Variants in TMEM178B observed in about 807,000 individuals in gnomAD.
TMEM178B encodes transmembrane protein 178B.
In TMEM178B, 5 loss-of-function variants were observed where a neutral mutation model predicts 31.0. The ratio of observed to expected loss-of-function variants is 0.16; its 90% confidence interval spans 0.08 to 0.34. TMEM178B has a LOEUF of 0.34. TMEM178B is among the 10% of genes least tolerant of loss of function. The pLI is 1.00. For synonymous variants in TMEM178B, 164 were observed against 164.0 expected, an observed-to-expected ratio of 1.00 and a Z score of 0.00; for missense variants, 275 against 400.3, an observed-to-expected ratio of 0.69 and a Z score of 2.67.
At chr7:141,464,785 C>T (rs1802121816) in intron 3 of TMEM178B, among the ~76,000 whole-genome samples, 1 of 152,166 alleles carries the variant, frequency 6.6e-6, no homozygotes, top group Non-Finnish European at 1.5e-5. Flanking sequence ...ATGCCCCCTC[C>T]CCAAGACCTG....
intron 2 of TMEM178B, among the ~76,000 whole-genome samples, chr7:141,249,115 C>G (rs1797787181): frequency 6.6e-6 from 1 of 152,052 alleles, no homozygotes; most frequent in Non-Finnish European, 1.5e-5. Flanking sequence ...TGACTGTGTC[C>G]CCACCCAAAT....
rs1357582053 is a variant in TMEM178B at position 141,476,440 on chromosome 7, T to C, written c.*5654T>C. On this transcript the variant is annotated 3_prime_UTR_variant, in exon 4 of 4. Transcript: ENST00000565468. ...CCAAGGCACATGGTCAATGCCTTAG[T>C]ATTTTTTTTTTTAATTCTCCTAACG... The C allele has an allele frequency of 6.6e-6, 1 of 151,798 alleles. No homozygotes were observed. Among genetic ancestry groups the C allele is most frequent in the East Asian group, 1.9e-4 (1 of 5,186 alleles). 9.4% of individuals were successfully genotyped at this position (151,798 alleles called of 1,614,324 possible).
rs936736307 is a variant in TMEM178B at position 141,428,571 on chromosome 7, G to A, written c.497-9037G>A. 3.3e-5 allele frequency among the ~76,000 whole-genome samples: 5 copies of A among 152,114 alleles called. No individual in the cohort carries two copies. The South Asian group carries it at 6.2e-4, about 19-fold the overall frequency. On this transcript the variant is annotated intron_variant, in intron 2 of 3. Transcript: ENST00000565468. The stretch of plus-strand genomic sequence containing the variant: ...AGGTAAGGGAAAAATGCCTCATGGA[G>A]GATGTGCACAACTTTAGTAAACACA...
intron 2 of TMEM178B, among the ~76,000 whole-genome samples, chr7:141,221,062 C>T (rs1008989766): frequency 2.6e-5 from 4 of 152,276 alleles, no homozygotes; most frequent in Middle Eastern, 3.4e-3. Context: ...TCCCAACTTC[C>T]ATACTTAAAT....
intron 2 of TMEM178B, among the ~76,000 whole-genome samples, chr7:141,215,337 A>ATTATTATTTT (rs55726735): frequency 0.012 from 1,760 of 141,524 alleles, 14 homozygotes; most frequent in East Asian, 0.017. Flanking sequence ...TATTATTATT[A>ATTATTATTTT]TTTTTTGAGA....
chr7:141,413,152 A>G (rs1438656303), intron 2 of TMEM178B, among the ~76,000 whole-genome samples: 1 of 152,176 alleles, frequency 6.6e-6, no homozygotes, highest in East Asian at 1.9e-4. Context: ...TGTGTAAAGC[A>G]ATTGTATGCC....
At chr7:141,436,376 A>G (rs1033931251) in intron 2 of TMEM178B, among the ~76,000 whole-genome samples, 1 of 152,148 alleles carries the variant, frequency 6.6e-6, no homozygotes, top group Non-Finnish European at 1.5e-5. Flanking sequence ...GGGACGCCCA[A>G]GGATCCTCCA....
intron 3 of TMEM178B, among the ~76,000 whole-genome samples, chr7:141,441,153 A>G (rs1801649323): frequency 6.6e-6 from 1 of 152,214 alleles, no homozygotes; most frequent in Non-Finnish European, 1.5e-5. Context: ...GAAGGAGCAG[A>G]CTAGAACAGA....
intron 1 of TMEM178B, among the ~76,000 whole-genome samples, chr7:141,110,481 G>A (rs185471902): frequency 2.4e-4 from 36 of 152,274 alleles, no homozygotes; most frequent in Non-Finnish European, 2.8e-4. Context: ...TACACTCAAA[G>A]GTTAATAGAC....
At chr7:141,245,191 AAAAAAAAAAAAAAAAAAAAG>A in intron 2 of TMEM178B, among the ~76,000 whole-genome samples, 1 of 127,824 alleles carries the variant, frequency 7.8e-6, no homozygotes, top group African/African-American at 3.0e-5. Flanking sequence ...AAAAAAAAAA[AAAAAAAAAAAAAAAAAAAAG>A]AAGGATGCAC....
chr7:141,419,400 A>T (rs2116649084), intron 2 of TMEM178B, among the ~76,000 whole-genome samples: 1 of 152,234 alleles, frequency 6.6e-6, no homozygotes, highest in South Asian at 2.1e-4. Context: ...CTTCTCTCAT[A>T]TTCAATTGAT....
chr7:141,340,672 C>T (rs986808735), intron 2 of TMEM178B, among the ~76,000 whole-genome samples: 1 of 152,180 alleles, frequency 6.6e-6, no homozygotes, highest in East Asian at 1.9e-4. Context: ...ACATCAGGAG[C>T]AGTGCAACAG....
At chr7:141,404,768 A>G (rs1009443300) in intron 2 of TMEM178B, among the ~76,000 whole-genome samples, 4 of 152,206 alleles carry the variant, frequency 2.6e-5, no homozygotes, top group African/African-American at 9.7e-5. Flanking sequence ...CACTACACCC[A>G]TTTTATGTAT....
chr7:141,387,843 C>T (rs1326602073), intron 2 of TMEM178B, among the ~76,000 whole-genome samples: 1 of 152,158 alleles, frequency 6.6e-6, no homozygotes. Flanking sequence ...TCTTCTGTCA[C>T]AGAACCCAGA....
In TMEM178B at chr7:141,151,146, A is replaced by G. The variant is rs116933427; in HGVS notation, c.383-61445A>G. On this transcript the variant is annotated intron_variant, in intron 1 of 3. Transcript: ENST00000565468. ...GAGGAAAATGGGACGAACACTCAAA[A>G]TACTGTCACTGACTCTCCCCTTGGC... Among the ~76,000 whole-genome samples, 568 of 152,292 alleles carry G rather than the reference A, an allele frequency of 3.7e-3. 10 individuals are homozygous for G. The highest frequency in any genetic ancestry group is 0.031 in the Admixed American group (468 of 15,292).
chr7:141,148,570 C>T (rs138848691), intron 1 of TMEM178B, among the ~76,000 whole-genome samples: 4 of 152,232 alleles, frequency 2.6e-5, no homozygotes, highest in African/African-American at 4.8e-5. Context: ...CTGTCAAATG[C>T]GATAGGTTCT....
intron 1 of TMEM178B, among the ~76,000 whole-genome samples, chr7:141,202,968 C>T (rs541762137): frequency 7.9e-5 from 12 of 152,340 alleles, no homozygotes; most frequent in Admixed American, 5.2e-4. Context: ...CTTCCTGCAC[C>T]TTTCATCACC....
intron 2 of TMEM178B, among the ~76,000 whole-genome samples, chr7:141,368,203 C>T (rs1800045730): frequency 6.6e-6 from 1 of 152,162 alleles, no homozygotes; most frequent in Non-Finnish European, 1.5e-5. Flanking sequence ...CCTGTAATCT[C>T]AGCTACTCAG....
At chr7:141,210,420 G>T (rs539850217) in intron 1 of TMEM178B, among the ~76,000 whole-genome samples, 3 of 152,064 alleles carry the variant, frequency 2.0e-5, no homozygotes, top group African/African-American at 7.2e-5. Context: ...CCGAGATCGC[G>T]CCATTGCACT....
Sources: gnomAD v4.1 joint callset for allele counts (sites outside exome capture counted in the v4.1 genomes callset) on GRCh38, gnomAD v4.1.1 for gene constraint, MANE v1.5 for transcripts, NCBI Gene and HGNC (gene_info 2026-07-23, HGNC 2026-07-21) for gene names.